ZNF131: variants seen among roughly 807,000 people sequenced by gnomAD.
ZNF131 encodes zinc finger and BTB domain containing 35, also known as zinc finger protein 131.
In ZNF131, 7 loss-of-function variants were observed where a neutral mutation model predicts 60.0. The ratio of observed to expected loss-of-function variants is 0.12; its 90% confidence interval spans 0.07 to 0.22. ZNF131 has a LOEUF of 0.22. Ranked by LOEUF, ZNF131 falls within the 10% of genes least tolerant of loss-of-function variation. The pLI is 1.00. For missense variants in ZNF131, 493 were observed against 740.9 expected, an observed-to-expected ratio of 0.67 and a Z score of 3.88; for synonymous variants, 257 against 253.2, an observed-to-expected ratio of 1.01 and a Z score of -0.14.
chr5:43,121,978 T>G, intron 1 of ZNF131, 61 bp from the exon 2 acceptor site: 2 of 1,558,160 alleles, frequency 1.3e-6, no homozygotes, highest in Non-Finnish European at 1.7e-6. Flanking sequence ...TTTTATGCTT[T>G]AGGGGTTTTG....
chr5:43,137,037 C>T (rs1170608627), intron 3 of ZNF131, among the ~76,000 whole-genome samples: 1 of 152,098 alleles, frequency 6.6e-6, no homozygotes, highest in Non-Finnish European at 1.5e-5. Flanking sequence ...GGACCCCTAT[C>T]TTCTACCATA....
chr5:43,144,248 T>C (rs1221939909), intron 4 of ZNF131, among the ~76,000 whole-genome samples: 1,946 of 106,006 alleles, frequency 0.018, 26 homozygotes, highest in African/African-American at 0.028. Context: ...TTTTTTTTTT[T>C]TTTTTTTTTT....
intron 4 of ZNF131, among the ~76,000 whole-genome samples, chr5:43,153,865 T>G (rs996751512): frequency 6.6e-6 from 1 of 152,194 alleles, no homozygotes; most frequent in Non-Finnish European, 1.5e-5. Context: ...TTTGAGTCAT[T>G]GTTTGAGAAA....
At chr5:43,130,860 C>G (rs1167914696) in intron 3 of ZNF131, among the ~76,000 whole-genome samples, 1 of 150,558 alleles carries the variant, frequency 6.6e-6, no homozygotes, top group East Asian at 2.0e-4. Context: ...GCCACCACGC[C>G]CGGCTCTTTT....
At chr5:43,122,472 C>T (rs1247183884) in intron 2 of ZNF131, among the ~76,000 whole-genome samples, 1 of 152,112 alleles carries the variant, frequency 6.6e-6, no homozygotes, top group Non-Finnish European at 1.5e-5. Context: ...CAGATTGTCT[C>T]AAAATGTTTG....
At position 43,161,605 on chromosome 5, in the gene ZNF131, A is replaced by G; in HGVS notation, c.728A>G (p.Gln243Arg). The G allele has an allele frequency of 2.5e-6, 4 of 1,614,256 alleles. No individual in the cohort carries two copies. Among genetic ancestry groups the G allele is most frequent in the Non-Finnish European group, 3.4e-6 (4 of 1,180,032 alleles). The change falls in exon 5 of 7, where the codon CAG becomes CGG. Residue 243 changes from glutamine (Q) to arginine (R), a missense_variant. Physicochemically the swap from Gln to Arg is conservative, Grantham distance 43. Around this residue, in one of 7 missense-constraint regions of ZNF131, gnomAD observed 138 missense variants for 158.7 expected, o/e 0.87. Transcript: ENST00000682664. Reference protein sequence around the residue: ...DGCPSDPTSKQVEGIEIVELQ... With the variant: ...DGCPSDPTSKRVEGIEIVELQ... The stretch of plus-strand genomic sequence containing the variant: ...TGTCCATCTGACCCCACGAGCAAAC[A>G]GGTAGAAGGTATTGAAATTGTGGAA...
chr5:43,161,150 C>A, intron 4 of ZNF131, 99 bp from the exon 5 acceptor site: 1 of 1,088,518 alleles, frequency 9.2e-7, no homozygotes, highest in Non-Finnish European at 1.3e-6. Flanking sequence ...TGTTTTATAA[C>A]TGTTTATATA....
At position 43,157,695 on chromosome 5, in the gene ZNF131, G is replaced by A. The variant is rs1415028458; in HGVS notation, c.372-3554G>A. Among the ~76,000 whole-genome samples the A allele has an allele frequency of 2.0e-5, 3 of 152,216 alleles. No homozygotes were observed. The East Asian group carries it at 5.8e-4, about 29-fold the overall frequency. On this transcript the variant is annotated intron_variant, in intron 4 of 6. Coordinates refer to ENST00000682664, the MANE Select transcript of ZNF131 (RefSeq NM_001330707.2). ...CTGGATGGCTTTAAACAAGAGAAAT[G>A]TGTTGTTTCTCAGTTCTGAAGGCTA...
In ZNF131 at chr5:43,174,846, C is replaced by G. The variant is rs780274255; in HGVS notation, c.1585C>G (p.Arg529Gly). 6.2e-7 allele frequency: 1 copy of G among 1,613,992 alleles called. No individual in the cohort carries two copies. Among genetic ancestry groups the G allele is most frequent in the East Asian group, 2.2e-5 (1 of 44,876 alleles). ...CCAAGTGAGTTATCTAGAAGTGGGC[C>G]GAATTCAGACTGAAGAAGGTACTGA... ...QVQVSYLEVG[R>G]IQTEEGTEVH... The change falls in exon 7 of 7, where the codon CGA becomes GGA. Residue 529 changes from arginine to glycine, a missense_variant. By Grantham distance (125) the Arg-to-Gly change is moderately radical. This residue lies in a region of ZNF131 where 202 missense variants were observed against 221.3 expected (regional missense o/e 0.91). Coordinates refer to ENST00000682664, the MANE Select transcript of ZNF131 (RefSeq NM_001330707.2).
chr5:43,165,836 T>C (rs1750279319), intron 5 of ZNF131, among the ~76,000 whole-genome samples: 1 of 152,240 alleles, frequency 6.6e-6, no homozygotes, highest in Admixed American at 6.5e-5. Context: ...AGATGGCATC[T>C]TCCAGTACAA....
chr5:43,173,143 G>A, intron 5 of ZNF131, 175 bp from the exon 6 acceptor site: 1 of 553,456 alleles, frequency 1.8e-6, no homozygotes, highest in Non-Finnish European at 3.0e-6. Context: ...TATTATTTTT[G>A]CTACCTCTAG....
chr5:43,147,689 G>C (rs1747784662), intron 4 of ZNF131, among the ~76,000 whole-genome samples: 1 of 150,824 alleles, frequency 6.6e-6, no homozygotes, highest in African/African-American at 2.4e-5. Context: ...CCAAAGTGCT[G>C]GGATTACAGG....
chr5:43,130,489 A>C (rs1745200314), intron 3 of ZNF131, among the ~76,000 whole-genome samples: 1 of 152,122 alleles, frequency 6.6e-6, no homozygotes, highest in South Asian at 2.1e-4. Flanking sequence ...CCTGAGTGTT[A>C]ATAGTGCTGG....
At chr5:43,126,697 C>T (rs1048374126) in intron 3 of ZNF131, among the ~76,000 whole-genome samples, 22 of 152,194 alleles carry the variant, frequency 1.4e-4, no homozygotes, top group Admixed American at 1.2e-3. Context: ...ATTCCCTCTT[C>T]CATACTCTTC....
chr5:43,121,104 G>T lies in ZNF131; in HGVS notation c.-35G>T, dbSNP rs1280626350. 6.5e-6 allele frequency: 1 copy of T among 153,120 alleles called. No individual in the cohort carries two copies. Among genetic ancestry groups the T allele is most frequent in the African/African-American group, 2.4e-5 (1 of 41,410 alleles). 9.5% of individuals were successfully genotyped at this position (153,120 alleles called of 1,614,324 possible). On this transcript the variant is annotated 5_prime_UTR_variant, in exon 1 of 7. Transcript: ENST00000682664. Reference sequence around the variant, plus strand: ...GAGGCTCTGAGGGACGGAGAGGAAGGAGGGCGACCCACGAGCTAGGTAAGG... The same window carrying T: ...GAGGCTCTGAGGGACGGAGAGGAAGTAGGGCGACCCACGAGCTAGGTAAGG...
At chr5:43,123,444 T>C (rs1744127038) in intron 3 of ZNF131, 134 bp downstream of exon 3, 9 of 621,556 alleles carry the variant, frequency 1.4e-5, no homozygotes, top group South Asian at 2.5e-5. Context: ...CCATAGGAAA[T>C]AGGCATCAGT....
chr5:43,174,834 C>G lies in ZNF131; in HGVS notation c.1573C>G (p.Leu525Val). 6.2e-7 allele frequency: 1 copy of G among 1,614,192 alleles called. No individual in the cohort carries two copies. The highest frequency in any genetic ancestry group is 8.5e-7 in the Non-Finnish European group (1 of 1,180,046). The part of the protein sequence containing the change: ...ELPEQVQVSY[L>V]EVGRIQTEEG... ...TCCAGAGCAGGTCCAAGTGAGTTAT[C>G]TAGAAGTGGGCCGAATTCAGACTGA... Residue 525 changes from leucine (L) to valine (V), a missense_variant, in exon 7 of 7, where the codon CTA becomes GTA. Leu to Val is a conservative substitution (Grantham distance 32). Transcript: ENST00000682664.
chr5:43,132,559 A>G (rs906370488), intron 3 of ZNF131, among the ~76,000 whole-genome samples: 1 of 133,260 alleles, frequency 7.5e-6, no homozygotes, highest in South Asian at 2.3e-4. Flanking sequence ...TGCCCAGCCT[A>G]GATTGCAGTG....
intron 5 of ZNF131, among the ~76,000 whole-genome samples, chr5:43,165,000 G>A (rs568385317): frequency 5.9e-5 from 9 of 152,242 alleles, no homozygotes; most frequent in Admixed American, 3.3e-4. Flanking sequence ...GCCCAGGCTG[G>A]AGTACAGTGG....
Sources: allele counts gnomAD v4.1 joint callset (sites outside exome capture counted in the v4.1 genomes callset), GRCh38; gene constraint gnomAD v4.1.1; regional missense constraint gnomAD v4.1.1; transcripts MANE v1.5; gene names NCBI Gene and HGNC (gene_info 2026-07-23, HGNC 2026-07-21).